PCDH11X: variants seen among roughly 807,000 people sequenced by gnomAD.
PCDH11X encodes the protein protocadherin 11 X-linked, also known as protocadherin-11 X-linked.
Under a neutral mutation model 53.3 loss-of-function variants are expected in PCDH11X, and 18 were observed. That is an observed-to-expected ratio of 0.34 (90% CI 0.23 to 0.50). PCDH11X has a LOEUF of 0.50. Among genes scored for constraint, PCDH11X ranks in the 20% least tolerant of loss-of-function variants. The pLI, the probability that PCDH11X is intolerant of heterozygous loss-of-function variation, is 0.98. For synonymous variants in PCDH11X, 279 were observed against 393.3 expected (o/e 0.71, Z 3.44); for missense variants, 570 against 1,032.4 (o/e 0.55, Z 6.14).
At chrX:92,260,251 G>A (rs1298922242) in intron 7 of PCDH11X, among the ~76,000 whole-genome samples, 1 of 111,605 alleles carries the variant, frequency 9.0e-6, no homozygotes, top group South Asian at 3.8e-4. Context: ...GGCGATGTTT[G>A]CAGGAACTGA....
At chrX:91,899,348 C>T (rs1168051022) in intron 6 of PCDH11X, among the ~76,000 whole-genome samples, 1 of 110,939 alleles carries the variant, frequency 9.0e-6, no homozygotes, top group Admixed American at 9.7e-5. Flanking sequence ...GTTTCTTCTG[C>T]CTGCTTTTAT....
chrX:92,329,677 A>G (rs1211259148), intron 8 of PCDH11X, among the ~76,000 whole-genome samples: 1 of 111,550 alleles, frequency 9.0e-6, no homozygotes, highest in East Asian at 2.8e-4. Flanking sequence ...CTTTGCATCA[A>G]CATGGATAGA....
At chrX:92,376,931 A>G (rs1245037454) in intron 8 of PCDH11X, among the ~76,000 whole-genome samples, 1 of 111,794 alleles carries the variant, frequency 8.9e-6, no homozygotes, top group African/African-American at 3.2e-5. Flanking sequence ...ATTTGGAAAC[A>G]TGATCAAAAT....
intron 4 of PCDH11X, among the ~76,000 whole-genome samples, chrX:91,826,500 C>T (rs1210287969): frequency 6.0e-5 from 5 of 83,573 alleles, no homozygotes; most frequent in African/African-American, 9.4e-5. Context: ...TATGCATGTG[C>T]GGGTTTGTTA....
intron 7 of PCDH11X, among the ~76,000 whole-genome samples, chrX:92,246,006 TG>T: frequency 9.0e-6 from 1 of 111,537 alleles, no homozygotes; most frequent in Non-Finnish European, 1.9e-5. Flanking sequence ...TTGTAAATTT[TG>T]GGGGGGAATT....
At chrX:91,952,004 A>T (rs763311486) in intron 6 of PCDH11X, among the ~76,000 whole-genome samples, 1 of 109,778 alleles carries the variant, frequency 9.1e-6, no homozygotes, top group African/African-American at 3.3e-5. Context: ...TACTTTTCAC[A>T]AGTGCTAATG....
chrX:92,369,639 G>A (rs2070565290), intron 8 of PCDH11X, among the ~76,000 whole-genome samples: 3 of 111,304 alleles, frequency 2.7e-5, no homozygotes, highest in African/African-American at 9.8e-5. Context: ...GGCCCTGGTG[G>A]TATAGGCACA....
At chrX:91,807,204 CCAGGT>C (rs1024630142) in intron 1 of PCDH11X, among the ~76,000 whole-genome samples, 13 of 102,402 alleles carry the variant, frequency 1.3e-4, no homozygotes, top group Non-Finnish European at 2.6e-4. Context: ...AAAAAATTAG[CCAGGT>C]CTGTTCATGT....
At chrX:92,121,163 CT>C (rs757267187) in intron 6 of PCDH11X, among the ~76,000 whole-genome samples, 6 of 103,791 alleles carry the variant, frequency 5.8e-5, no homozygotes, top group Non-Finnish European at 5.9e-5. Flanking sequence ...TGTCTTTTTT[CT>C]TTTTTTTTTG....
At chrX:91,903,469 G>A (rs1190156297) in intron 6 of PCDH11X, among the ~76,000 whole-genome samples, 2 of 111,229 alleles carry the variant, frequency 1.8e-5, no homozygotes, top group Non-Finnish European at 3.8e-5. Context: ...ATTCATCCCT[G>A]GGTCATAGTT....
chrX:92,384,024 G>T (rs1172225802), intron 8 of PCDH11X, among the ~76,000 whole-genome samples: 7 of 112,021 alleles, frequency 6.2e-5, no homozygotes, highest in African/African-American at 2.3e-4. Context: ...CATTCTAACT[G>T]GTGTGAGATG....
At chrX:92,174,694 A>G (rs768340011) in intron 6 of PCDH11X, among the ~76,000 whole-genome samples, 16 of 111,802 alleles carry the variant, frequency 1.4e-4, no homozygotes, top group African/African-American at 5.2e-4. Flanking sequence ...GGACAATTAC[A>G]ATGTACAAGT....
chrX:92,393,525 C>G (rs1001034155), intron 9 of PCDH11X, among the ~76,000 whole-genome samples: 1 of 110,638 alleles, frequency 9.0e-6, no homozygotes, highest in African/African-American at 3.3e-5. Flanking sequence ...ATTTCATTGC[C>G]TTGCCAACAG....
intron 5 of PCDH11X, among the ~76,000 whole-genome samples, chrX:91,873,963 A>G (rs928414260): frequency 9.0e-6 from 1 of 110,816 alleles, no homozygotes; most frequent in African/African-American, 3.3e-5. Flanking sequence ...TTTTTCTTTC[A>G]CCTTAACTAG....
At chrX:92,032,455 A>G (rs1267220374) in intron 6 of PCDH11X, among the ~76,000 whole-genome samples, 3 of 110,507 alleles carry the variant, frequency 2.7e-5, no homozygotes, top group African/African-American at 9.9e-5. Flanking sequence ...TTCCTTTCCA[A>G]TTTGGATGCC....
intron 8 of PCDH11X, among the ~76,000 whole-genome samples, chrX:92,300,162 C>T (rs1217688173): frequency 1.8e-5 from 2 of 109,068 alleles, no homozygotes; most frequent in Admixed American, 2.0e-4. Flanking sequence ...CACTGTGGTC[C>T]GAGAGTGTGG....
intron 5 of PCDH11X, among the ~76,000 whole-genome samples, chrX:91,854,311 A>T (rs1938199527): frequency 1.8e-5 from 2 of 111,898 alleles, no homozygotes; most frequent in African/African-American, 6.5e-5. Flanking sequence ...CCATCCATCC[A>T]TGTTGTTGCA....
chrX:92,357,448 C>G (rs2070237244), intron 8 of PCDH11X, among the ~76,000 whole-genome samples: 1 of 109,874 alleles, frequency 9.1e-6, no homozygotes, highest in Non-Finnish European at 1.9e-5. Flanking sequence ...ATCCTCACCC[C>G]TAAGGTGATA....
At chrX:92,225,348 C>T (rs1476656299) in intron 7 of PCDH11X, among the ~76,000 whole-genome samples, 3 of 102,334 alleles carry the variant, frequency 2.9e-5, no homozygotes, top group African/African-American at 1.0e-4. Context: ...AAAAAAAAAG[C>T]GTTTACTGAG....
Sources: gnomAD v4.1 joint callset for allele counts (sites outside exome capture counted in the v4.1 genomes callset) on GRCh38, gnomAD v4.1.1 for gene constraint, MANE v1.5 for transcripts, NCBI Gene and HGNC (gene_info 2026-07-23, HGNC 2026-07-21) for gene names.